The following CEACAM3 variants were observed in gnomAD, a reference collection of about 807,000 sequenced individuals.
CEACAM3 encodes the protein cell adhesion molecule CEACAM3.
CEACAM3 carries 32 observed loss-of-function variants against 30.1 expected under a neutral mutation model. The ratio of observed to expected loss-of-function variants is 1.06; its 90% CI spans 0.80 to 1.43. The LOEUF (loss-of-function observed/expected upper bound fraction) is 1.43, where lower values mean the gene tolerates loss of function less well. CEACAM3 is among the 40% of genes most tolerant of loss of function. The pLI is 0.00. For missense variants in CEACAM3, 290 were observed against 316.3 expected (o/e 0.92, Z 0.63); for synonymous variants, 134 against 127.2 (o/e 1.05, Z -0.36).
intron 2 of CEACAM3, among the ~76,000 whole-genome samples, chr19:41,802,054 T>C (rs7251059): frequency 0.52 from 79,319 of 151,824 alleles, 22,579 homozygotes; most frequent in Middle Eastern, 0.71. Context: ...GACAGCCACC[T>C]TGAGGCTAGA....
chr19:41,798,291 C>T (rs1353073060), intron 2 of CEACAM3, among the ~76,000 whole-genome samples: 2 of 152,086 alleles, frequency 1.3e-5, no homozygotes, highest in Non-Finnish European at 2.9e-5. Context: ...GAGGGGTCCC[C>T]CTAGGATTCT....
chr19:41,811,377 G>T lies in CEACAM3; in HGVS notation c.*140G>T. 2 of 709,230 alleles carry T rather than the reference G, an allele frequency of 2.8e-6. No individual in the cohort carries two copies. Among genetic ancestry groups the T allele is most frequent in the Non-Finnish European group, 4.9e-6 (2 of 411,576 alleles). 43.9% of individuals were successfully genotyped at this position (709,230 alleles called of 1,614,324 possible). A position where few individuals can be genotyped will look rare whatever the true frequency, so the allele number is the denominator to read the frequency against. On this transcript the variant is annotated 3_prime_UTR_variant, in exon 7 of 7. Coordinates refer to ENST00000357396, the MANE Select transcript of CEACAM3 (RefSeq NM_001815.5). Reference sequence around the variant, plus strand: ...ACACTGGTGTCTGGGGGCAGGGAGGGATGGGGGTCCCTGATGAATATCTGG... The same window carrying T: ...ACACTGGTGTCTGGGGGCAGGGAGGTATGGGGGTCCCTGATGAATATCTGG...
At chr19:41,801,789 T>C (rs375439616) in intron 2 of CEACAM3, among the ~76,000 whole-genome samples, 1 of 152,098 alleles carries the variant, frequency 6.6e-6, no homozygotes, top group South Asian at 2.1e-4. Context: ...AATGCAGAAG[T>C]CTGAGAAACA....
chr19:41,802,358 A>G (rs1164852898), intron 2 of CEACAM3, among the ~76,000 whole-genome samples: 1 of 152,234 alleles, frequency 6.6e-6, no homozygotes, highest in African/African-American at 2.4e-5. Flanking sequence ...TGAAAAATCA[A>G]CAACTCTTTT....
At chr19:41,800,689 C>A (rs1286319048) in intron 2 of CEACAM3, among the ~76,000 whole-genome samples, 1 of 152,202 alleles carries the variant, frequency 6.6e-6, no homozygotes, top group Admixed American at 6.5e-5. Context: ...TGTCTCCTCT[C>A]TCTCTCTGCC....
chr19:41,806,646 A>T (rs1411150055), intron 2 of CEACAM3, among the ~76,000 whole-genome samples: 1 of 151,966 alleles, frequency 6.6e-6, no homozygotes, highest in Non-Finnish European at 1.5e-5. Flanking sequence ...TGACACACAC[A>T]TCTGTCTTCG....
Position 41,810,844 on chromosome 19 carries a change from TC to T in CEACAM3, c.642del (p.Thr215LeufsTer20), listed in dbSNP as rs782563337. 3.7e-6 allele frequency: 6 copies of T among 1,612,768 alleles called. No homozygotes were observed. ...HSSAFSMSPLSTAQAPLPNPR... is the reference protein window; with the variant it reads ...HSSAFSMSPLXTAQAPLPNPR... ...TCCCTGTCCACAGATGTCCCCTCTC[TC>T]CACTGCCCAGGCCCCCCTACCCAAC... On this transcript the variant is annotated frameshift_variant, in exon 6 of 7. Transcript: ENST00000357396. LOFTEE classifies it high-confidence loss of function.
At chr19:41,800,238 G>C (rs777130876) in intron 2 of CEACAM3, among the ~76,000 whole-genome samples, 1 of 152,194 alleles carries the variant, frequency 6.6e-6, no homozygotes, top group African/African-American at 2.4e-5. Flanking sequence ...AGTGAGAAGT[G>C]ACCAGAAGAC....
At chr19:41,797,558 C>T in intron 1 of CEACAM3, 31 bp from the exon 2 acceptor site, 3 of 1,594,466 alleles carry the variant, frequency 1.9e-6, no homozygotes, top group Non-Finnish European at 1.7e-6. Flanking sequence ...TACATGGGTC[C>T]CAATATTGAC....
chr19:41,806,532 C>T (rs2073201628), intron 2 of CEACAM3, among the ~76,000 whole-genome samples: 1 of 152,232 alleles, frequency 6.6e-6, no homozygotes, highest in South Asian at 2.1e-4. Context: ...GTCTGTCCAA[C>T]ACCCAATGCT....
At chr19:41,809,050 C>T in intron 3 of CEACAM3, 120 bp downstream of exon 3, 1 of 708,186 alleles carries the variant, frequency 1.4e-6, no homozygotes, top group Non-Finnish European at 2.4e-6. Flanking sequence ...CCCCAGGGAT[C>T]CTTCCCTCTT....
At chr19:41,803,755 C>CAGCTACAGTGACCCAGTCACGCTGA (rs2073175884) in intron 2 of CEACAM3, among the ~76,000 whole-genome samples, 4 of 93,882 alleles carry the variant, frequency 4.3e-5, no homozygotes, top group African/African-American at 5.8e-5. Flanking sequence ...CATGAGCCAC[C>CAGCTACAGTGACCCAGTCACGCTGA]ATGCCCGGCC....
At chr19:41,803,753 A>AGT (rs2073175715) in intron 2 of CEACAM3, among the ~76,000 whole-genome samples, 1 of 45,584 alleles carries the variant, frequency 2.2e-5, no homozygotes, top group African/African-American at 3.5e-5. Context: ...GGCATGAGCC[A>AGT]CCATGCCCGG....
At chr19:41,806,267 TG>T (rs2073199119) in intron 2 of CEACAM3, among the ~76,000 whole-genome samples, 1 of 152,170 alleles carries the variant, frequency 6.6e-6, no homozygotes, top group African/African-American at 2.4e-5. Context: ...TGACCTCAGG[TG>T]ATCTGCCCAC....
chr19:41,798,778 G>T (rs1217602649), intron 2 of CEACAM3, among the ~76,000 whole-genome samples: 1 of 152,174 alleles, frequency 6.6e-6, no homozygotes, highest in African/African-American at 2.4e-5. Context: ...TCTATACACA[G>T]CTGAGGTCAA....
chr19:41,811,426 C>T lies in CEACAM3; in HGVS notation c.*189C>T. ...GGAGACCTCGACAGCCTGCCCTAGG[C>T]CCTGGGTGGGTCAGGACAAAGGCCT... On this transcript the variant is annotated 3_prime_UTR_variant, in exon 7 of 7. Coordinates refer to ENST00000357396, the MANE Select transcript of CEACAM3 (RefSeq NM_001815.5). 1 of 600,146 alleles carries T rather than the reference C, an allele frequency of 1.7e-6. No homozygotes were observed. The highest frequency in any genetic ancestry group is 3.0e-6 in the Non-Finnish European group (1 of 336,582). 37.2% of individuals were successfully genotyped at this position (600,146 alleles called of 1,614,324 possible). A position where few individuals can be genotyped will look rare whatever the true frequency, so the allele number is the denominator to read the frequency against.
intron 2 of CEACAM3, among the ~76,000 whole-genome samples, chr19:41,801,016 G>A (rs928190436): frequency 1.3e-5 from 2 of 152,094 alleles, no homozygotes; most frequent in Admixed American, 6.5e-5. Context: ...ATAACCAGGG[G>A]TCTCCTGGTC....
At chr19:41,800,394 A>G (rs1290761314) in intron 2 of CEACAM3, among the ~76,000 whole-genome samples, 8 of 152,108 alleles carry the variant, frequency 5.3e-5, no homozygotes, top group African/African-American at 1.9e-4. Flanking sequence ...AACACCCGCT[A>G]CTTGGCAGAC....
At chr19:41,803,469 T>C (rs1464716752) in intron 2 of CEACAM3, among the ~76,000 whole-genome samples, 54 of 110,814 alleles carry the variant, frequency 4.9e-4, no homozygotes, top group African/African-American at 1.3e-3. Flanking sequence ...TTGTTTTGTT[T>C]GTTTTTTTTT....
Sources: gnomAD v4.1 joint callset for allele counts (sites outside exome capture counted in the v4.1 genomes callset) on GRCh38, gnomAD v4.1.1 for gene constraint, MANE v1.5 for transcripts, NCBI Gene and HGNC (gene_info 2026-07-23, HGNC 2026-07-21) for gene names.